ARK2N: variants seen among roughly 807,000 people sequenced by gnomAD.
ARK2N encodes protein ARK2N.
the ARK2N span, among the ~76,000 whole-genome samples, chr18:46,234,784 C>T: frequency 3.3e-5 from 5 of 152,202 alleles, no homozygotes; most frequent in African/African-American, 4.8e-5. Context: ...ATAACAGAAC[C>T]GGGCCTAGGC....
At chr18:46,227,163 G>A in the ARK2N span, among the ~76,000 whole-genome samples, 1 of 152,066 alleles carries the variant, frequency 6.6e-6, no homozygotes, top group African/African-American at 2.4e-5. Flanking sequence ...ACATCAATAT[G>A]AAAAAGGTTC....
At chr18:46,237,622 C>CA in the ARK2N span, among the ~76,000 whole-genome samples, 1 of 152,166 alleles carries the variant, frequency 6.6e-6, no homozygotes, top group Non-Finnish European at 1.5e-5. Flanking sequence ...CTCCTGATCT[C>CA]AAGTGATCCA....
the ARK2N span, among the ~76,000 whole-genome samples, chr18:46,193,718 T>C: frequency 6.6e-6 from 1 of 150,658 alleles, no homozygotes; most frequent in Non-Finnish European, 1.5e-5. Flanking sequence ...TGTGTCTCAG[T>C]CTCCTGAGTA....
At chr18:46,228,929 G>A in the ARK2N span, 1 of 396,794 alleles carries the variant, frequency 2.5e-6, no homozygotes, top group East Asian at 3.6e-5. Flanking sequence ...TTGAAAAGGT[G>A]TTGAACACTA....
chr18:46,200,595 C>T, the ARK2N span, among the ~76,000 whole-genome samples: 2,658 of 152,216 alleles, frequency 0.017, 73 homozygotes, highest in African/African-American at 0.06. Flanking sequence ...TGTGAGCCAC[C>T]GCACCTGGCC....
At chr18:46,233,328 T>A in the ARK2N span, among the ~76,000 whole-genome samples, 2 of 152,154 alleles carry the variant, frequency 1.3e-5, no homozygotes, top group African/African-American at 4.8e-5. Context: ...ATATCTAAAT[T>A]TTGTGCTCTT....
At chr18:46,212,448 A>G in the ARK2N span, among the ~76,000 whole-genome samples, 1 of 152,224 alleles carries the variant, frequency 6.6e-6, no homozygotes, top group South Asian at 2.1e-4. Context: ...TTATTTACAT[A>G]AATGCTATAA....
chr18:46,228,032 T>C, the ARK2N span, among the ~76,000 whole-genome samples: 1 of 152,244 alleles, frequency 6.6e-6, no homozygotes, highest in African/African-American at 2.4e-5. Flanking sequence ...TATATGAGTT[T>C]ATTATAACTG....
At chr18:46,266,298 CTTTTAG>C in the ARK2N span, 1 of 152,524 alleles carries the variant, frequency 6.6e-6, no homozygotes, top group Non-Finnish European at 1.5e-5. Flanking sequence ...ACTATTTTGT[CTTTTAG>C]TTTTAAACTT....
At chr18:46,205,759 C>T in the ARK2N span, among the ~76,000 whole-genome samples, 1 of 152,036 alleles carries the variant, frequency 6.6e-6, no homozygotes, top group Non-Finnish European at 1.5e-5. Flanking sequence ...ATTCTGTTGC[C>T]CAGGCAGGCA....
At chr18:46,189,049 T>C in the ARK2N span, among the ~76,000 whole-genome samples, 1 of 152,016 alleles carries the variant, frequency 6.6e-6, no homozygotes, top group Non-Finnish European at 1.5e-5. Context: ...ACCCCATCAC[T>C]ATTAAAAATA....
At chr18:46,258,566 T>A in the ARK2N span, among the ~76,000 whole-genome samples, 2 of 152,166 alleles carry the variant, frequency 1.3e-5, no homozygotes, top group Non-Finnish European at 2.9e-5. Context: ...TCCTAACATT[T>A]TGGGAAGCAA....
At chr18:46,220,773 G>A in the ARK2N span, among the ~76,000 whole-genome samples, 3 of 152,004 alleles carry the variant, frequency 2.0e-5, no homozygotes, top group African/African-American at 4.8e-5. Context: ...GCTGTTATAC[G>A]TTCAGGGTAT....
chr18:46,189,578 A>G, the ARK2N span, among the ~76,000 whole-genome samples: 6 of 152,248 alleles, frequency 3.9e-5, no homozygotes, highest in South Asian at 2.1e-4. Flanking sequence ...GGCACATGCT[A>G]TGGTGCCCAG....
chr18:46,240,172 C>G, the ARK2N span: 1 of 1,614,136 alleles, frequency 6.2e-7, no homozygotes, highest in South Asian at 1.1e-5. Context: ...TCTAGAGGAG[C>G]TGAATGCAGA....
the ARK2N span, among the ~76,000 whole-genome samples, chr18:46,223,072 C>T: frequency 6.6e-6 from 1 of 152,194 alleles, no homozygotes; most frequent in Admixed American, 6.5e-5. Context: ...ATACCATTAT[C>T]AGCTTTTAAA....
the ARK2N span, among the ~76,000 whole-genome samples, chr18:46,259,409 C>T: frequency 6.6e-6 from 1 of 151,434 alleles, no homozygotes; most frequent in East Asian, 2.0e-4. Context: ...GTGCCTGGCT[C>T]ATTTTTGTAT....
chr18:46,258,528 T>C, the ARK2N span, among the ~76,000 whole-genome samples: 1 of 152,182 alleles, frequency 6.6e-6, no homozygotes, highest in Non-Finnish European at 1.5e-5. Flanking sequence ...AATTATTCTA[T>C]CAAACCATAT....
the ARK2N span, among the ~76,000 whole-genome samples, chr18:46,211,842 C>G: frequency 6.6e-6 from 1 of 152,084 alleles, no homozygotes; most frequent in Non-Finnish European, 1.5e-5. Context: ...GGGTTGATAG[C>G]CTTTTATGCC....
Sources: gnomAD v4.1 joint callset for allele counts (sites outside exome capture counted in the v4.1 genomes callset) on GRCh38, gnomAD v4.1.1 for gene constraint, MANE v1.5 for transcripts, NCBI Gene and HGNC (gene_info 2026-07-23, HGNC 2026-07-21) for gene names.